Variants in SAMD4A observed in about 807,000 individuals in gnomAD.
SAMD4A encodes the protein sterile alpha motif domain containing 4A.
A neutral mutation model predicts 81.3 loss-of-function variants in SAMD4A; 33 were observed. The ratio of observed to expected loss-of-function variants is 0.41; its 90% confidence interval spans 0.31 to 0.54. The LOEUF is 0.54. Ranked by LOEUF, SAMD4A falls within the 20% of genes least tolerant of loss-of-function variation. SAMD4A has a pLI of 0.37. For missense variants in SAMD4A, 854 were observed against 951.1 expected (o/e 0.90, Z 1.34); for synonymous variants, 389 against 382.1 (o/e 1.02, Z -0.21).
intron 2 of SAMD4A, among the ~76,000 whole-genome samples, chr14:54,649,405 A>G (rs908581342): frequency 1.3e-5 from 2 of 152,208 alleles, no homozygotes; most frequent in African/African-American, 4.8e-5. Flanking sequence ...TTCTGCTTAT[A>G]CTGTCGTTGA....
chr14:54,736,983 AG>A lies in SAMD4A; in HGVS notation c.716-33del, dbSNP rs747740201. 928 of 1,600,370 alleles carry A rather than the reference AG, an allele frequency of 5.8e-4. 5 individuals are homozygous for A. Among genetic ancestry groups the A allele is most frequent in the South Asian group, 7.6e-4 (69 of 90,802 alleles). On this transcript the variant is annotated intron_variant, in intron 3 of 12. Coordinates refer to ENST00000554335, the MANE Select transcript of SAMD4A (RefSeq NM_015589.6). Reference sequence around the variant, plus strand: ...TGGGTTCTTCGGTGTCCCAGGATAAAGGGGGGGGAATAACCTATTTCATTTT... The same window carrying A: ...TGGGTTCTTCGGTGTCCCAGGATAAAGGGGGGGAATAACCTATTTCATTTT...
At chr14:54,620,128 G>T (rs1488623515) in intron 2 of SAMD4A, among the ~76,000 whole-genome samples, 1 of 151,940 alleles carries the variant, frequency 6.6e-6, no homozygotes, top group South Asian at 2.1e-4. Context: ...ATTTCATGAG[G>T]TTGGCATTAT....
intron 2 of SAMD4A, among the ~76,000 whole-genome samples, chr14:54,645,365 A>G (rs2035264282): frequency 6.6e-6 from 1 of 152,224 alleles, no homozygotes; most frequent in African/African-American, 2.4e-5. Flanking sequence ...CCCACTGTTC[A>G]GACATAACTA....
intron 11 of SAMD4A, 50 bp downstream of exon 11, chr14:54,776,590 A>T (rs2038856417): frequency 6.9e-6 from 10 of 1,459,176 alleles, no homozygotes; most frequent in Non-Finnish European, 9.1e-6. Flanking sequence ...AGGCCAAAAT[A>T]GATGCCCTAG....
At chr14:54,585,319 A>C (rs2033584640) in intron 2 of SAMD4A, among the ~76,000 whole-genome samples, 1 of 152,248 alleles carries the variant, frequency 6.6e-6, no homozygotes, top group Non-Finnish European at 1.5e-5. Flanking sequence ...TGTGGTAAAC[A>C]TCCTTTAAAG....
At chr14:54,603,544 G>A (rs971166608) in intron 2 of SAMD4A, among the ~76,000 whole-genome samples, 6 of 152,090 alleles carry the variant, frequency 3.9e-5, no homozygotes, top group Non-Finnish European at 5.9e-5. Context: ...CACCATGCCC[G>A]TTAGCCTGTG....
At chr14:54,697,499 A>G (rs2036605847) in intron 2 of SAMD4A, among the ~76,000 whole-genome samples, 2 of 152,198 alleles carry the variant, frequency 1.3e-5, no homozygotes, top group Admixed American at 1.3e-4. Context: ...CTGGGGAGCT[A>G]AATCATGGTC....
At chr14:54,742,559 G>A (rs2037871392) in intron 4 of SAMD4A, among the ~76,000 whole-genome samples, 1 of 152,186 alleles carries the variant, frequency 6.6e-6, no homozygotes, top group African/African-American at 2.4e-5. Flanking sequence ...TAGCTGGGTA[G>A]AAAAAGCCAT....
intron 2 of SAMD4A, among the ~76,000 whole-genome samples, chr14:54,657,772 C>G (rs148371406): frequency 3.7e-4 from 56 of 152,334 alleles, no homozygotes; most frequent in Non-Finnish European, 7.8e-4. Context: ...TGAAGAGCCA[C>G]TCACCCTTCC....
At chr14:54,575,242 A>G (rs1334072321) in intron 2 of SAMD4A, among the ~76,000 whole-genome samples, 1 of 152,184 alleles carries the variant, frequency 6.6e-6, no homozygotes, top group East Asian at 1.9e-4. Flanking sequence ...AGCTATGGCC[A>G]GCAGATCTGG....
chr14:54,573,519 A>T (rs772498402), intron 2 of SAMD4A, among the ~76,000 whole-genome samples: 1 of 152,202 alleles, frequency 6.6e-6, no homozygotes, highest in African/African-American at 2.4e-5. Context: ...GGAGGTTTTC[A>T]TCTGTGGGTG....
At chr14:54,654,342 T>C (rs2140436589) in intron 2 of SAMD4A, among the ~76,000 whole-genome samples, 2 of 152,202 alleles carry the variant, frequency 1.3e-5, no homozygotes, top group South Asian at 4.2e-4. Flanking sequence ...GATGGGAGCT[T>C]AGCAAGAAAG....
intron 2 of SAMD4A, chr14:54,668,765 A>G (rs1460052702): frequency 6.6e-6 from 1 of 152,276 alleles, no homozygotes; most frequent in East Asian, 1.9e-4. Context: ...TGACATAGAT[A>G]CTATTCTCAT....
At chr14:54,776,639 G>T in intron 11 of SAMD4A, 99 bp downstream of exon 11, 1 of 1,306,790 alleles carries the variant, frequency 7.7e-7, no homozygotes, top group Non-Finnish European at 1.0e-6. Flanking sequence ...GACTGTCACC[G>T]TGCATTCTTT....
At chr14:54,759,718 T>C (rs750204988) in intron 6 of SAMD4A, among the ~76,000 whole-genome samples, 2 of 152,252 alleles carry the variant, frequency 1.3e-5, no homozygotes, top group Non-Finnish European at 2.9e-5. Flanking sequence ...TACCCTGTGC[T>C]GCGTGTGCCA....
chr14:54,702,337 T>C lies in SAMD4A; in HGVS notation c.472T>C (p.Phe158Leu). 1 of 1,600,040 alleles carries C rather than the reference T, an allele frequency of 6.2e-7. No homozygotes were observed. The highest frequency in any genetic ancestry group is 8.6e-7 in the Non-Finnish European group (1 of 1,167,714). The change falls in exon 3 of 13, where the codon TTT (phenylalanine) becomes CTT (leucine). Residue 158 changes from phenylalanine (F) to leucine (L), a missense_variant. Phe to Leu is a conservative substitution (Grantham distance 22). Coordinates refer to ENST00000554335, the MANE Select transcript of SAMD4A (RefSeq NM_015589.6). The part of the protein sequence containing the change: ...NHLEDRTSTS[F>L]GGQNRGRSDS... ...CTTGGAGGACCGCACGTCGACCAGC[T>C]TTGGTGGCCAGAACCGAGGCCGCTC...
intron 9 of SAMD4A, among the ~76,000 whole-genome samples, chr14:54,772,291 C>T (rs1046105164): frequency 4.6e-5 from 7 of 152,196 alleles, no homozygotes; most frequent in Non-Finnish European, 1.0e-4. Context: ...GAAAGGAAAA[C>T]TTGCTTTTGT....
chr14:54,731,220 T>C (rs2037551387), intron 3 of SAMD4A, among the ~76,000 whole-genome samples: 1 of 152,246 alleles, frequency 6.6e-6, no homozygotes, highest in African/African-American at 2.4e-5. Flanking sequence ...TTTTCTTCTT[T>C]AGACTTGATA....
chr14:54,729,471 A>C (rs2037505642), intron 3 of SAMD4A, among the ~76,000 whole-genome samples: 2 of 152,186 alleles, frequency 1.3e-5, no homozygotes, highest in Non-Finnish European at 2.9e-5. Flanking sequence ...TTAAAAAAGA[A>C]ATATCGGCTT....
Sources: allele counts gnomAD v4.1 joint callset (sites outside exome capture counted in the v4.1 genomes callset), GRCh38; gene constraint gnomAD v4.1.1; transcripts MANE v1.5; gene names NCBI Gene and HGNC (gene_info 2026-07-23, HGNC 2026-07-21).